CDH8: variants seen among roughly 807,000 people sequenced by gnomAD.
CDH8 encodes the protein cadherin-8.
Under a neutral mutation model 68.1 loss-of-function variants are expected in CDH8, and 17 were observed. The observed-to-expected ratio is 0.25, with a 90% confidence interval of 0.17 to 0.37. The LOEUF is 0.37. Among genes scored for constraint, CDH8 ranks in the 10% least tolerant of loss-of-function variants. CDH8 has a pLI of 1.00. For missense variants in CDH8, 763 were observed against 999.3 expected (o/e 0.76, Z 3.19); for synonymous variants, 372 against 365.1 (o/e 1.02, Z -0.21).
chr16:61,668,834 T>G (rs937917058), intron 10 of CDH8, among the ~76,000 whole-genome samples: 1 of 151,972 alleles, frequency 6.6e-6, no homozygotes, highest in Non-Finnish European at 1.5e-5. Flanking sequence ...CCTCTAAATA[T>G]TTAAGAAACT....
intron 2 of CDH8, among the ~76,000 whole-genome samples, chr16:61,925,964 T>C (rs896961927): frequency 6.6e-6 from 1 of 152,166 alleles, no homozygotes; most frequent in South Asian, 2.1e-4. Context: ...GAATCTACTA[T>C]ATACCATATA....
chr16:61,700,463 T>TTTCACCATGTTTC (rs1229727555), intron 10 of CDH8, among the ~76,000 whole-genome samples: 19 of 151,940 alleles, frequency 1.3e-4, no homozygotes, highest in Non-Finnish European at 2.6e-4. Flanking sequence ...GTATTTTTAG[T>TTTCACCATGTTTC]AGAGACAGGG....
At chr16:61,733,886 T>C (rs1226081595) in intron 8 of CDH8, among the ~76,000 whole-genome samples, 1 of 152,078 alleles carries the variant, frequency 6.6e-6, no homozygotes, top group African/African-American at 2.4e-5. Context: ...AAATGATCAA[T>C]GAATACCTCA....
intron 9 of CDH8, among the ~76,000 whole-genome samples, chr16:61,718,900 T>A (rs947608905): frequency 3.3e-5 from 5 of 151,216 alleles, no homozygotes; most frequent in Non-Finnish European, 5.9e-5. Context: ...AATCAAGTTA[T>A]AACAATTATG....
chr16:61,712,323 G>A (rs576671522), intron 10 of CDH8, among the ~76,000 whole-genome samples: 4 of 151,720 alleles, frequency 2.6e-5, no homozygotes, highest in African/African-American at 9.6e-5. Flanking sequence ...TACCTTATGT[G>A]ATGCCTTCTA....
chr16:61,938,567 G>A (rs572522030), intron 2 of CDH8, among the ~76,000 whole-genome samples: 7 of 152,236 alleles, frequency 4.6e-5, no homozygotes, highest in African/African-American at 1.7e-4. Context: ...CATATGGCAA[G>A]TAACATTAAA....
chr16:61,713,541 T>C (rs1386148348), intron 10 of CDH8, among the ~76,000 whole-genome samples: 1 of 151,644 alleles, frequency 6.6e-6, no homozygotes, highest in Non-Finnish European at 1.5e-5. Flanking sequence ...TCTCAGAATC[T>C]CAAAATACCT....
intron 8 of CDH8, among the ~76,000 whole-genome samples, chr16:61,774,134 C>A (rs1043102177): frequency 6.6e-6 from 1 of 151,994 alleles, no homozygotes; most frequent in Non-Finnish European, 1.5e-5. Flanking sequence ...AACCTGCTTG[C>A]ACTTGTTCAA....
chr16:61,783,918 T>A (rs1464094595), intron 8 of CDH8, among the ~76,000 whole-genome samples: 5 of 152,232 alleles, frequency 3.3e-5, no homozygotes, highest in African/African-American at 9.6e-5. Context: ...GACTGCCCTA[T>A]AAGAGCTCCT....
At chr16:61,900,346 G>A (rs1963946287) in intron 3 of CDH8, among the ~76,000 whole-genome samples, 1 of 152,010 alleles carries the variant, frequency 6.6e-6, no homozygotes, top group African/African-American at 2.4e-5. Context: ...AAACAAACTT[G>A]GATATGTACT....
chr16:61,923,802 A>T (rs1964413913), intron 2 of CDH8, among the ~76,000 whole-genome samples: 1 of 147,502 alleles, frequency 6.8e-6, no homozygotes, highest in East Asian at 1.9e-4. Flanking sequence ...TGATAAATAT[A>T]TAATATTTAA....
At chr16:61,758,692 C>G (rs1038669032) in intron 8 of CDH8, among the ~76,000 whole-genome samples, 2 of 152,100 alleles carry the variant, frequency 1.3e-5, no homozygotes, top group Non-Finnish European at 2.9e-5. Context: ...CTCGGCTTCC[C>G]AATGTTTGAG....
At chr16:61,929,023 C>T (rs963083306) in intron 2 of CDH8, among the ~76,000 whole-genome samples, 7 of 152,162 alleles carry the variant, frequency 4.6e-5, no homozygotes, top group Non-Finnish European at 8.8e-5. Context: ...ATTCTCCTGA[C>T]TCAGCCTCCC....
chr16:61,819,953 C>A (rs1962170770), intron 6 of CDH8, among the ~76,000 whole-genome samples: 1 of 151,964 alleles, frequency 6.6e-6, no homozygotes, highest in Admixed American at 6.6e-5. Context: ...ATTTTCCTTG[C>A]AAGTGTTTTG....
At chr16:61,982,296 T>C (rs1296170733) in intron 2 of CDH8, among the ~76,000 whole-genome samples, 2 of 152,066 alleles carry the variant, frequency 1.3e-5, no homozygotes, top group African/African-American at 2.4e-5. Flanking sequence ...CTCGGCTCAA[T>C]GCAAGCTCCG....
intron 10 of CDH8, among the ~76,000 whole-genome samples, chr16:61,712,715 T>C (rs1052053588): frequency 1.3e-5 from 2 of 151,646 alleles, no homozygotes; most frequent in Non-Finnish European, 3.0e-5. Flanking sequence ...CCTCAGTGTT[T>C]ATAATAGTGG....
chr16:61,769,242 A>C (rs8051807), intron 8 of CDH8, among the ~76,000 whole-genome samples: 4 of 151,694 alleles, frequency 2.6e-5, no homozygotes, highest in Non-Finnish European at 4.4e-5. Context: ...TCCCTGGACC[A>C]CTCTTTGAAT....
At chr16:61,756,669 T>C (rs112862394) in intron 8 of CDH8, among the ~76,000 whole-genome samples, 2,334 of 152,290 alleles carry the variant, frequency 0.015, 63 homozygotes, top group African/African-American at 0.053. Context: ...TGTCTAAATC[T>C]CTAGTTACTC....
At chr16:61,752,655 G>C (rs1291080209) in intron 8 of CDH8, among the ~76,000 whole-genome samples, 1 of 151,934 alleles carries the variant, frequency 6.6e-6, no homozygotes, top group South Asian at 2.1e-4. Context: ...ATAGTATTTT[G>C]TCTATTATAA....
Sources: allele counts gnomAD v4.1 joint callset (sites outside exome capture counted in the v4.1 genomes callset), GRCh38; gene constraint gnomAD v4.1.1; transcripts MANE v1.5; gene names NCBI Gene and HGNC (gene_info 2026-07-23, HGNC 2026-07-21).